Variants in TECRL observed in about 807,000 individuals in gnomAD.
TECRL encodes the protein trans-2,3-enoyl-CoA reductase-like.
TECRL carries 63 observed loss-of-function variants against 52.8 expected under a neutral mutation model. That is an observed-to-expected ratio of 1.19 (90% CI 0.97 to 1.47). The LOEUF (loss-of-function observed/expected upper bound fraction) is 1.47, where lower values mean the gene tolerates loss of function less well. TECRL is among the 40% of genes most tolerant of loss of function. The pLI is 0.00. For synonymous variants in TECRL, 164 were observed against 141.9 expected (o/e 1.16, Z -1.10); for missense variants, 482 against 429.6 (o/e 1.12, Z -1.08).
chr4:64,381,955 A>G (rs1722822772), intron 1 of TECRL, among the ~76,000 whole-genome samples: 1 of 151,800 alleles, frequency 6.6e-6, no homozygotes, highest in Non-Finnish European at 1.5e-5. Context: ...GGACAATGGA[A>G]TGTTATGAAG....
At chr4:64,321,548 G>C (rs1177686874) in intron 4 of TECRL, among the ~76,000 whole-genome samples, 2 of 152,080 alleles carry the variant, frequency 1.3e-5, no homozygotes, top group Non-Finnish European at 2.9e-5. Flanking sequence ...ATTATTCTTT[G>C]TATATCAAAA....
downstream of TECRL, chr4:64,276,456 C>A (rs931876009): frequency 4.0e-5 from 6 of 151,702 alleles, no homozygotes; most frequent in African/African-American, 1.5e-4. Flanking sequence ...ATATATTTTT[C>A]TGCATTTAAA....
intron 1 of TECRL, among the ~76,000 whole-genome samples, chr4:64,403,077 TC>T (rs1724468326): frequency 6.6e-6 from 1 of 152,094 alleles, no homozygotes; most frequent in Non-Finnish European, 1.5e-5. Context: ...TTCCCCGTGT[TC>T]CTATCTCTCT....
At chr4:64,353,278 T>A (rs766786871) in intron 2 of TECRL, among the ~76,000 whole-genome samples, 1 of 152,104 alleles carries the variant, frequency 6.6e-6, no homozygotes, top group East Asian at 1.9e-4. Context: ...AGTGTGCATA[T>A]ATTTTGAGGG....
intron 2 of TECRL, among the ~76,000 whole-genome samples, chr4:64,358,267 C>T (rs543188444): frequency 4.0e-5 from 6 of 151,602 alleles, no homozygotes; most frequent in South Asian, 2.1e-4. Flanking sequence ...ATGAGCATAG[C>T]GAATATTTTA....
At chr4:64,318,755 T>C (rs773399390) in intron 4 of TECRL, among the ~76,000 whole-genome samples, 3 of 152,020 alleles carry the variant, frequency 2.0e-5, no homozygotes, top group Non-Finnish European at 4.4e-5. Context: ...AATAAGGACA[T>C]GTTAAGATAA....
chr4:64,352,926 A>G (rs11131524), intron 2 of TECRL, among the ~76,000 whole-genome samples: 100,860 of 152,056 alleles, frequency 0.66, 34,820 homozygotes, highest in Non-Finnish European at 0.76. Context: ...TCATTCTGCT[A>G]CCCAGGCTGG....
Position 64,318,598 on chromosome 4 carries a change from A to G in TECRL, c.436-3835T>C, listed in dbSNP as rs529434762. 7.9e-5 allele frequency among the ~76,000 whole-genome samples: 12 copies of G among 152,176 alleles called. No homozygotes were observed. In the East Asian group the frequency reaches 2.3e-3, roughly 29 times the overall value. Reference sequence around the variant, plus strand: ...CAAACAAGAATTGTTTAGAAAAGACACATTACTTTCAAAGGAGTAAAGCTG... The same window carrying G: ...CAAACAAGAATTGTTTAGAAAAGACGCATTACTTTCAAAGGAGTAAAGCTG... On this transcript the variant is annotated intron_variant, in intron 4 of 11. Coordinates refer to ENST00000381210, the MANE Select transcript of TECRL (RefSeq NM_001010874.5).
At chr4:64,356,365 T>C (rs1212337926) in intron 2 of TECRL, among the ~76,000 whole-genome samples, 1 of 152,086 alleles carries the variant, frequency 6.6e-6, no homozygotes, top group South Asian at 2.1e-4. Context: ...GGAAGGCCAC[T>C]GTCTCTTGCC....
At chr4:64,389,240 T>C (rs772699157) in intron 1 of TECRL, among the ~76,000 whole-genome samples, 8 of 151,980 alleles carry the variant, frequency 5.3e-5, no homozygotes, top group Non-Finnish European at 7.4e-5. Context: ...AAAAATGACG[T>C]GACCTGTAGG....
chr4:64,366,281 G>A (rs1260295206), intron 2 of TECRL, among the ~76,000 whole-genome samples: 2 of 151,936 alleles, frequency 1.3e-5, no homozygotes, highest in East Asian at 3.9e-4. Flanking sequence ...ATTAAAGACT[G>A]AAATGTAAAA....
intron 1 of TECRL, among the ~76,000 whole-genome samples, chr4:64,393,172 T>C (rs1268573405): frequency 6.6e-6 from 1 of 152,016 alleles, no homozygotes; most frequent in Non-Finnish European, 1.5e-5. Context: ...AGTAAACCTA[T>C]TACCTAGAAG....
chr4:64,327,437 G>T (rs1457325081), intron 3 of TECRL, among the ~76,000 whole-genome samples: 5 of 152,042 alleles, frequency 3.3e-5, no homozygotes, highest in African/African-American at 1.2e-4. Context: ...GCTTCTTTGT[G>T]TAAGAGTCAA....
chr4:64,280,095 C>G lies in TECRL; in HGVS notation c.1069G>C (p.Ala357Pro), dbSNP rs761513125. The G allele has an allele frequency of 2.5e-6, 4 of 1,594,424 alleles. No homozygotes were observed. In the Middle Eastern group the frequency reaches 5.1e-4, roughly 204 times the overall value. The part of the protein sequence containing the change: ...KFNSYIHRKS[A>P]MIPFIL ...TTTTACAATATGAATGGAATCATTG[C>G]TGATTTTCTATGAATATATGAATTG... Residue 357 changes from alanine (A) to proline (P), a missense_variant, in exon 12 of 12, where the codon GCA becomes CCA. By Grantham distance (27) the Ala-to-Pro change is conservative. Coordinates refer to ENST00000381210, the MANE Select transcript of TECRL (RefSeq NM_001010874.5).
intron 1 of TECRL, among the ~76,000 whole-genome samples, chr4:64,387,223 AATGTCTTTTC>A (rs949480972): frequency 3.5e-4 from 54 of 152,168 alleles, no homozygotes; most frequent in African/African-American, 1.0e-3. Flanking sequence ...AAATTCCCTG[AATGTCTTTTC>A]ATGGGTTAAT....
At position 64,388,009 on chromosome 4, in the gene TECRL, A is replaced by C. The variant is rs1601077; in HGVS notation, c.235-12786T>G. Reference sequence around the variant, plus strand: ...TGGCACCAGTTTGGTACTTATTTTCATATAGTAGAAATTTTAATTTTAATG... The same window carrying C: ...TGGCACCAGTTTGGTACTTATTTTCCTATAGTAGAAATTTTAATTTTAATG... On this transcript the variant is annotated intron_variant, in intron 1 of 11. Coordinates refer to ENST00000381210, the MANE Select transcript of TECRL (RefSeq NM_001010874.5). 5.3e-5 allele frequency among the ~76,000 whole-genome samples: 8 copies of C among 151,570 alleles called. No individual in the cohort carries two copies. In the South Asian group the frequency reaches 1.4e-3, roughly 27 times the overall value.
At chr4:64,294,579 T>A (rs930056668) in intron 8 of TECRL, among the ~76,000 whole-genome samples, 6 of 152,066 alleles carry the variant, frequency 3.9e-5, no homozygotes, top group African/African-American at 1.4e-4. Flanking sequence ...TTTGTTTCTC[T>A]AATAAACACT....
chr4:64,281,205 C>T, intron 10 of TECRL, 119 bp from the exon 11 acceptor site: 2 of 616,594 alleles, frequency 3.2e-6, no homozygotes, highest in Non-Finnish European at 5.3e-6. Flanking sequence ...GATAGGAATA[C>T]ATTTTCAAGA....
intron 9 of TECRL, among the ~76,000 whole-genome samples, chr4:64,289,077 T>A (rs1191178490): frequency 6.6e-6 from 1 of 152,206 alleles, no homozygotes; most frequent in Non-Finnish European, 1.5e-5. Context: ...TGGATTTTTA[T>A]ACTACAAGAA....
Sources: gnomAD v4.1 joint callset for allele counts (sites outside exome capture counted in the v4.1 genomes callset) on GRCh38, gnomAD v4.1.1 for gene constraint, MANE v1.5 for transcripts, NCBI Gene and HGNC (gene_info 2026-07-23, HGNC 2026-07-21) for gene names.